KIRREL3: variants seen among roughly 807,000 people sequenced by gnomAD.
The protein encoded by KIRREL3 is kin of IRRE-like protein 3.
In KIRREL3, 36 loss-of-function variants were observed where a neutral mutation model predicts 89.7. The ratio of observed to expected loss-of-function variants is 0.40; its 90% CI spans 0.31 to 0.53. The LOEUF is 0.53. KIRREL3 is among the 20% of genes least tolerant of loss of function. KIRREL3 has a pLI of 0.49. For synonymous variants in KIRREL3, 445 were observed against 441.4 expected (o/e 1.01, Z -0.10); for missense variants, 864 against 1,056.6 (o/e 0.82, Z 2.53).
rs1157539817 is a variant in KIRREL3 at position 126,750,142 on chromosome 11, C to T, written c.56-187230G>A. Among the ~76,000 whole-genome samples the T allele has an allele frequency of 6.6e-6, 1 of 152,182 alleles. No homozygotes were observed. Among genetic ancestry groups the T allele is most frequent in the Non-Finnish European group, 1.5e-5 (1 of 68,036 alleles). ...ATAAGTGCCTTGCACATAGTAGGCA[C>T]AGAATACACAATCATTGCTACTGAG... On this transcript the variant is annotated intron_variant, in intron 1 of 16. Coordinates refer to ENST00000525144, the MANE Select transcript of KIRREL3 (RefSeq NM_032531.4). The surrounding 1 kb of genome is among the most constrained non-coding windows in gnomAD (Gnocchi z 4.2).
At chr11:126,472,935 C>G (rs1311545296) in intron 5 of KIRREL3, among the ~76,000 whole-genome samples, 1 of 133,168 alleles carries the variant, frequency 7.5e-6, no homozygotes, top group Admixed American at 7.6e-5. Flanking sequence ...CATTATCCCC[C>G]CTCTACCTAA....
Position 126,999,809 on chromosome 11 carries a change from C to T in KIRREL3, c.55+646G>A, listed in dbSNP as rs1035537386. ...TGCAGAAAGGAAACCATCAGCACCA[C>T]GGGCGAAATTTCATTTTATACCCTG... On this transcript the variant is annotated intron_variant, in intron 1 of 16. Coordinates refer to ENST00000525144, the MANE Select transcript of KIRREL3 (RefSeq NM_032531.4). The surrounding 1 kb of genome is among the most constrained non-coding windows in gnomAD (Gnocchi z 5.7). 2.0e-5 allele frequency among the ~76,000 whole-genome samples: 3 copies of T among 152,196 alleles called. No homozygotes were observed. Among genetic ancestry groups the T allele is most frequent in the Non-Finnish European group, 2.9e-5 (2 of 68,042 alleles).
rs1481853284 is a variant in KIRREL3 at position 126,424,225 on chromosome 11, T to A, written c.*355A>T. The A allele has an allele frequency of 4.5e-5, 13 of 291,598 alleles. No individual in the cohort carries two copies. Among genetic ancestry groups the A allele is most frequent in the Admixed American group, 1.4e-4 (3 of 21,688 alleles). 18.1% of individuals were successfully genotyped at this position (291,598 alleles called of 1,614,324 possible). On this transcript the variant is annotated 3_prime_UTR_variant, in exon 17 of 17. Transcript: ENST00000525144. Reference sequence around the variant, plus strand: ...TAGAGCCCACAGAGAGACCAGAGAGTGGACCGCAGTTTCATGAAAGCAGAG... The same window carrying A: ...TAGAGCCCACAGAGAGACCAGAGAGAGGACCGCAGTTTCATGAAAGCAGAG...
In KIRREL3 at chr11:126,474,989, G is replaced by C. The variant is rs925247834; in HGVS notation, c.434-1523C>G. Among the ~76,000 whole-genome samples the C allele has an allele frequency of 6.6e-6, 1 of 152,190 alleles. No homozygotes were observed. The highest frequency in any genetic ancestry group is 2.4e-5 in the African/African-American group (1 of 41,446). ...GGCGACTGTCCTCTGAGGAATCCCT[G>C]TTTCCCTTACCCCAGGAGGAGCTGG... On this transcript the variant is annotated intron_variant, in intron 4 of 16. Coordinates refer to ENST00000525144, the MANE Select transcript of KIRREL3 (RefSeq NM_032531.4). This position sits in a 1 kb window ranked among gnomAD's most constrained non-coding sequence, Gnocchi z 6.7.
At chr11:126,980,833 G>A (rs1265444996) in intron 1 of KIRREL3, among the ~76,000 whole-genome samples, 2 of 152,156 alleles carry the variant, frequency 1.3e-5, no homozygotes, top group Admixed American at 6.5e-5. Context: ...GGCTACATGT[G>A]AGAGCATCAC....
chr11:126,809,292 G>A (rs796704627), intron 1 of KIRREL3, among the ~76,000 whole-genome samples: 5 of 152,296 alleles, frequency 3.3e-5, no homozygotes, highest in African/African-American at 1.2e-4. Context: ...TCTAGGAGGT[G>A]CGTTATAAAG....
intron 1 of KIRREL3, among the ~76,000 whole-genome samples, chr11:126,798,322 G>T (rs1048141222): frequency 3.3e-5 from 5 of 152,118 alleles, no homozygotes; most frequent in African/African-American, 7.2e-5. Context: ...TGCTTGCTGG[G>T]GTTCCTAACC....
At chr11:126,743,948 G>A (rs1196147350) in intron 1 of KIRREL3, among the ~76,000 whole-genome samples, 1 of 152,216 alleles carries the variant, frequency 6.6e-6, no homozygotes. Context: ...GAAATTTAGT[G>A]ATGGGGAGAC....
At chr11:126,945,199 C>A (rs1948582618) in intron 1 of KIRREL3, 1 of 152,336 alleles carries the variant, frequency 6.6e-6, no homozygotes, top group Admixed American at 6.5e-5. Flanking sequence ...AGCTCCCCCA[C>A]CTCCACCTTT....
At chr11:126,888,076 A>C (rs575414266) in intron 1 of KIRREL3, among the ~76,000 whole-genome samples, 208 of 152,370 alleles carry the variant, frequency 1.4e-3, no homozygotes, top group Middle Eastern at 0.01. Context: ...GGGAGGACTG[A>C]AAGTAAAAAC....
At chr11:126,654,699 A>G (rs1338715464) in intron 1 of KIRREL3, among the ~76,000 whole-genome samples, 3 of 152,204 alleles carry the variant, frequency 2.0e-5, no homozygotes, top group African/African-American at 7.2e-5. Flanking sequence ...CACACAGCCG[A>G]CATCGTGAGA....
At chr11:126,706,896 T>G (rs1458855687) in intron 1 of KIRREL3, among the ~76,000 whole-genome samples, 1 of 152,150 alleles carries the variant, frequency 6.6e-6, no homozygotes, top group East Asian at 1.9e-4. Context: ...TAGCTCTTTA[T>G]CAGTCATTTG....
chr11:126,792,361 A>G (rs1421822951), intron 1 of KIRREL3, among the ~76,000 whole-genome samples: 1 of 152,166 alleles, frequency 6.6e-6, no homozygotes, highest in African/African-American at 2.4e-5. Context: ...TATTACCGTT[A>G]TTTTTCAGTT....
At chr11:126,580,137 A>G (rs1368607175) in intron 1 of KIRREL3, among the ~76,000 whole-genome samples, 29 of 152,040 alleles carry the variant, frequency 1.9e-4, no homozygotes, top group Admixed American at 1.8e-3. Context: ...GAGCCACCAC[A>G]CCTGGCCCCC....
chr11:126,644,259 G>C lies in KIRREL3; in HGVS notation c.56-81347C>G, dbSNP rs143870137. On this transcript the variant is annotated intron_variant, in intron 1 of 16. Transcript: ENST00000525144. Reference sequence around the variant, plus strand: ...GACGAAAAGCTGAGTGTTACTAATAGTAGAGGTAAAACATGAGGCTAATAG... The same window carrying C: ...GACGAAAAGCTGAGTGTTACTAATACTAGAGGTAAAACATGAGGCTAATAG... 9.2e-5 allele frequency among the ~76,000 whole-genome samples: 14 copies of C among 152,292 alleles called. No homozygotes were observed. The East Asian group carries it at 2.7e-3, about 29-fold the overall frequency.
At chr11:126,741,554 T>C (rs1948983555) in intron 1 of KIRREL3, among the ~76,000 whole-genome samples, 1 of 152,196 alleles carries the variant, frequency 6.6e-6, no homozygotes, top group Non-Finnish European at 1.5e-5. Flanking sequence ...AGAAAACACC[T>C]GAGAGTCCAC....
At chr11:126,536,490 C>T (rs1028226807) in intron 2 of KIRREL3, among the ~76,000 whole-genome samples, 1 of 152,074 alleles carries the variant, frequency 6.6e-6, no homozygotes, top group Non-Finnish European at 1.5e-5. Flanking sequence ...TGGTGAGAGG[C>T]ACAGATCTAC....
At chr11:126,506,321 C>T (rs556618029) in intron 4 of KIRREL3, among the ~76,000 whole-genome samples, 2 of 152,112 alleles carry the variant, frequency 1.3e-5, no homozygotes, top group African/African-American at 4.8e-5. Context: ...AAAAGGCAAA[C>T]TACAAACTGA....
chr11:126,590,970 C>A (rs566117879), intron 1 of KIRREL3, among the ~76,000 whole-genome samples: 1 of 152,346 alleles, frequency 6.6e-6, no homozygotes, highest in South Asian at 2.1e-4. Context: ...CACCTATAAT[C>A]CCAGCACTTT....
Sources: allele counts gnomAD v4.1 joint callset (sites outside exome capture counted in the v4.1 genomes callset), GRCh38; gene constraint gnomAD v4.1.1; non-coding constraint Gnocchi (gnomAD v3.1); transcripts MANE v1.5; gene names NCBI Gene and HGNC (gene_info 2026-07-23, HGNC 2026-07-21).